Variants in YEATS2 observed in about 807,000 individuals in gnomAD.
The protein encoded by YEATS2 is YEATS domain containing 2, also known as YEATS domain-containing protein 2.
YEATS2 carries 77 observed loss-of-function variants against 163.2 expected under a neutral mutation model. The observed-to-expected ratio is 0.47, with a 90% CI of 0.39 to 0.57. YEATS2 has a LOEUF of 0.57. Among genes scored for constraint, YEATS2 ranks in the 20% least tolerant of loss-of-function variants. The pLI is 0.00. For missense variants in YEATS2, 1,549 were observed against 1,729.8 expected (o/e 0.90, Z 1.85); for synonymous variants, 631 against 645.1 (o/e 0.98, Z 0.33).
chr3:183,723,815 G>GGCAGGAGAATCGCTTGAAC (rs1716785188), intron 5 of YEATS2, among the ~76,000 whole-genome samples: 1 of 152,048 alleles, frequency 6.6e-6, no homozygotes, highest in Non-Finnish European at 1.5e-5. Flanking sequence ...GAGAGGCTGA[G>GGCAGGAGAATCGCTTGAAC]GCAGGAGAAT....
chr3:183,781,869 C>T (rs1017163940), intron 19 of YEATS2, among the ~76,000 whole-genome samples: 4 of 151,756 alleles, frequency 2.6e-5, no homozygotes, highest in African/African-American at 4.8e-5. Flanking sequence ...TGCCACTGCT[C>T]TCCAGCCTGG....
At position 183,789,205 on chromosome 3, in the gene YEATS2, G is replaced by A. The variant is rs1420000040; in HGVS notation, c.2914-1592G>A. Among the ~76,000 whole-genome samples the A allele has an allele frequency of 5.3e-5, 8 of 152,208 alleles. No individual in the cohort carries two copies. In the South Asian group the frequency reaches 8.3e-4, roughly 16 times the overall value. ...TACTCAGGAAATCTTTGCCCAAACCGATGTCCTGGAGAGTTTCCCTAATGT... is the reference window on the plus strand; with the variant it reads ...TACTCAGGAAATCTTTGCCCAAACCAATGTCCTGGAGAGTTTCCCTAATGT... On this transcript the variant is annotated intron_variant, in intron 20 of 30. Transcript: ENST00000305135.
intron 13 of YEATS2, among the ~76,000 whole-genome samples, 179 bp downstream of exon 13, chr3:183,759,144 C>G (rs776790367): frequency 6.6e-6 from 1 of 152,200 alleles, no homozygotes. Context: ...ATGAGCTGCA[C>G]CCCGCCACTT....
chr3:183,776,777 C>T lies in YEATS2; in HGVS notation c.2577+654C>T, dbSNP rs77396088. On this transcript the variant is annotated intron_variant, in intron 18 of 30. Transcript: ENST00000305135. ...AAGACCAGCCTGGTCCATGGTGAAA[C>T]CCTGTCTCTATTAAAAATACAAAAA... Among the ~76,000 whole-genome samples the T allele has an allele frequency of 1.9e-3, 284 of 152,044 alleles. 1 individual carries two copies. The highest frequency in any genetic ancestry group is 6.5e-3 in the African/African-American group (271 of 41,484).
Position 183,764,188 on chromosome 3 carries a change from C to G in YEATS2, c.1947+1909C>G, listed in dbSNP as rs182416528. Among the ~76,000 whole-genome samples the G allele has an allele frequency of 9.1e-4, 138 of 151,940 alleles. 1 individual carries two copies. The highest frequency in any genetic ancestry group is 3.2e-3 in the African/African-American group (131 of 41,410). On this transcript the variant is annotated intron_variant, in intron 15 of 30. Coordinates refer to ENST00000305135, the MANE Select transcript of YEATS2 (RefSeq NM_018023.5). ...AGATGTTGAAGACCAGCCTGGTCAA[C>G]TTGGTGAAACTGTCTCTACCAAAAA... is the stretch of plus-strand genomic sequence containing the variant.
At chr3:183,727,823 G>A (rs150942452) in intron 6 of YEATS2, among the ~76,000 whole-genome samples, 73 of 152,202 alleles carry the variant, frequency 4.8e-4, no homozygotes, top group East Asian at 2.3e-3. Context: ...CCAGAAAGGC[G>A]CAAAGCTCTA....
chr3:183,719,609 A>T (rs553286277), intron 4 of YEATS2, among the ~76,000 whole-genome samples: 4 of 152,266 alleles, frequency 2.6e-5, no homozygotes, highest in African/African-American at 9.6e-5. Context: ...AGTCTAGTGA[A>T]TGGCAATTTT....
chr3:183,763,598 TC>T (rs1721599426), intron 15 of YEATS2, among the ~76,000 whole-genome samples: 2 of 152,200 alleles, frequency 1.3e-5, no homozygotes, highest in South Asian at 4.1e-4. Context: ...TTAAACAGTT[TC>T]CTTGGGAGCA....
At chr3:183,767,657 A>G (rs968095494) in intron 15 of YEATS2, among the ~76,000 whole-genome samples, 1 of 152,120 alleles carries the variant, frequency 6.6e-6, no homozygotes, top group Non-Finnish European at 1.5e-5. Flanking sequence ...CTAGGATTAC[A>G]GGTGTGAGCC....
chr3:183,789,365 T>TA lies in YEATS2; in HGVS notation c.2914-1429dup, dbSNP rs200949772. On this transcript the variant is annotated intron_variant, in intron 20 of 30. Transcript: ENST00000305135. ...CAGTTTTCCCAGCACAAGTCTTTAT[T>TA]AAAGTCCCAACTTACCTATTTTTCT... Among the ~76,000 whole-genome samples, 1,438 of 152,192 alleles carry TA rather than the reference T, an allele frequency of 9.4e-3. 9 individuals carry two copies. Among genetic ancestry groups the TA allele is most frequent in the Non-Finnish European group, 0.014 (957 of 67,996 alleles).
chr3:183,733,634 T>A (rs1188755990), intron 7 of YEATS2, among the ~76,000 whole-genome samples: 3 of 152,188 alleles, frequency 2.0e-5, no homozygotes, highest in African/African-American at 7.2e-5. Context: ...AAGGGAGGAT[T>A]TTTGCGGCTG....
At chr3:183,787,004 G>C (rs1471373752) in intron 20 of YEATS2, among the ~76,000 whole-genome samples, 1 of 152,104 alleles carries the variant, frequency 6.6e-6, no homozygotes, top group Non-Finnish European at 1.5e-5. Flanking sequence ...CACCAGGCTG[G>C]AGTGCAGTGA....
intron 19 of YEATS2, among the ~76,000 whole-genome samples, chr3:183,784,719 C>T (rs1425357687): frequency 2.0e-5 from 3 of 151,430 alleles, no homozygotes; most frequent in Middle Eastern, 3.4e-3. Flanking sequence ...ATCGTAGAGC[C>T]GAGGAGTTGC....
At chr3:183,758,155 C>G (rs947889335) in intron 12 of YEATS2, among the ~76,000 whole-genome samples, 1 of 152,000 alleles carries the variant, frequency 6.6e-6, no homozygotes, top group Non-Finnish European at 1.5e-5. Context: ...GTCAGGAGTT[C>G]GAGAGCAGCC....
chr3:183,762,422 G>T lies in YEATS2; in HGVS notation c.1947+143G>T, dbSNP rs1309871919. The T allele has an allele frequency of 4.8e-6, 5 of 1,033,120 alleles. No homozygotes were observed. The African/African-American group carries it at 8.1e-5, about 17-fold the overall frequency. 64.0% of individuals were successfully genotyped at this position (1,033,120 alleles called of 1,614,324 possible). A position where few individuals can be genotyped will look rare whatever the true frequency, so the allele number is the denominator to read the frequency against. On this transcript the variant is annotated intron_variant, in intron 15 of 30. Coordinates refer to ENST00000305135, the MANE Select transcript of YEATS2 (RefSeq NM_018023.5). ...GGTGAAAGCCTAGTTGGAAAAACAAGTCTGTTGGTGTGAAACTCTTCTACT... is the reference window on the plus strand; with the variant it reads ...GGTGAAAGCCTAGTTGGAAAAACAATTCTGTTGGTGTGAAACTCTTCTACT...
chr3:183,701,724 T>C (rs756327879), intron 1 of YEATS2, among the ~76,000 whole-genome samples: 4 of 152,156 alleles, frequency 2.6e-5, no homozygotes, highest in Non-Finnish European at 5.9e-5. Context: ...GTTAAGTGAA[T>C]TATATTTCAA....
At chr3:183,745,771 T>C (rs1399727170) in intron 8 of YEATS2, among the ~76,000 whole-genome samples, 1 of 152,184 alleles carries the variant, frequency 6.6e-6, no homozygotes, top group East Asian at 1.9e-4. Flanking sequence ...AGCCAACACA[T>C]TGATCCATTT....
chr3:183,743,459 G>T (rs1039959013), intron 8 of YEATS2, among the ~76,000 whole-genome samples: 1 of 151,974 alleles, frequency 6.6e-6, no homozygotes, highest in African/African-American at 2.4e-5. Flanking sequence ...TCTTATCTCA[G>T]CGTCCCAGGT....
Position 183,786,131 on chromosome 3 carries a change from C to G in YEATS2, c.2743C>G (p.His915Asp). The G allele has an allele frequency of 6.2e-7, 1 of 1,612,320 alleles. No homozygotes were observed. The highest frequency in any genetic ancestry group is 1.1e-5 in the South Asian group (1 of 90,970). The change falls in exon 20 of 31, where the codon CAT becomes GAT. Residue 915 changes from histidine to aspartate, a missense_variant. Coordinates refer to ENST00000305135, the MANE Select transcript of YEATS2 (RefSeq NM_018023.5). ...GCCCATCTTGTTTCTGCAGGCAGCCCATGGAGGACAGGCATCTCTAATGAA... is the reference window on the plus strand; with the variant it reads ...GCCCATCTTGTTTCTGCAGGCAGCCGATGGAGGACAGGCATCTCTAATGAA... Reference protein sequence around the residue: ...QKTTLFTQAAHGGQASLMKIS... With the variant: ...QKTTLFTQAADGGQASLMKIS...
Sources: gnomAD v4.1 joint callset for allele counts (sites outside exome capture counted in the v4.1 genomes callset) on GRCh38, gnomAD v4.1.1 for gene constraint, MANE v1.5 for transcripts, NCBI Gene and HGNC (gene_info 2026-07-23, HGNC 2026-07-21) for gene names.